The following DYNC2H1 variants were observed in gnomAD, a reference collection of about 807,000 sequenced individuals.
DYNC2H1 encodes dynein cytoplasmic 2 heavy chain 1, also known as cytoplasmic dynein 2 heavy chain 1.
DYNC2H1 carries 410 observed loss-of-function variants against 570.0 expected under a neutral mutation model. The ratio of observed to expected loss-of-function variants is 0.72; its 90% CI spans 0.66 to 0.78. The LOEUF is 0.78. Among genes scored for constraint, DYNC2H1 ranks in the 30% least tolerant of loss-of-function variants. The probability of loss-of-function intolerance (pLI) is 0.00; values close to 1 mark genes in which losing one functional copy is unlikely to be tolerated. For missense variants in DYNC2H1, 4,865 were observed against 5,046.4 expected (o/e 0.96, Z 1.09); for synonymous variants, 1,688 against 1,677.6 (o/e 1.01, Z -0.15).
chr11:103,303,529 G>A (rs1867139788), intron 76 of DYNC2H1, among the ~76,000 whole-genome samples: 1 of 152,128 alleles, frequency 6.6e-6, no homozygotes, highest in Non-Finnish European at 1.5e-5. Context: ...AGGCAGGTGA[G>A]TCGAGAGTGC....
chr11:103,290,602 C>T (rs886801988), intron 75 of DYNC2H1, among the ~76,000 whole-genome samples: 1 of 152,170 alleles, frequency 6.6e-6, no homozygotes, highest in Non-Finnish European at 1.5e-5. Flanking sequence ...TGGACTTAGA[C>T]AACATCATGA....
chr11:103,469,827 C>T (rs1434589948), intron 88 of DYNC2H1, among the ~76,000 whole-genome samples: 1 of 152,256 alleles, frequency 6.6e-6, no homozygotes, highest in African/African-American at 2.4e-5. Flanking sequence ...ATGAATGACA[C>T]ATTTTTGTCT....
At chr11:103,390,991 C>T (rs1942122127) in intron 83 of DYNC2H1, among the ~76,000 whole-genome samples, 3 of 152,072 alleles carry the variant, frequency 2.0e-5, no homozygotes, top group East Asian at 1.9e-4. Flanking sequence ...TTGCTCTTCT[C>T]GAGGAGTATC....
At position 103,135,568 on chromosome 11, in the gene DYNC2H1, A is replaced by C. The variant is rs1859492220; in HGVS notation, c.2279A>C (p.Gln760Pro). 1 of 1,613,090 alleles carries C rather than the reference A, an allele frequency of 6.2e-7. No individual in the cohort carries two copies. The highest frequency in any genetic ancestry group is 8.5e-7 in the Non-Finnish European group (1 of 1,179,532). The change falls in exon 16 of 89, where the codon CAG becomes CCG. Residue 760 changes from glutamine (Q) to proline (P), a missense_variant. Transcript: ENST00000375735. ...NHQLYKALEH[Q>P]YQMGLEALNE... ...CAACTGTACAAAGCTCTGGAGCATC[A>C]GTACCAGATGGGCTTAGAAGCACTT...
chr11:103,313,447 C>T (rs1867686348), intron 79 of DYNC2H1, among the ~76,000 whole-genome samples: 1 of 152,132 alleles, frequency 6.6e-6, no homozygotes, highest in Admixed American at 6.5e-5. Context: ...TTAAATTTTT[C>T]CCATCCTCTT....
At chr11:103,380,448 C>A (rs1006365115) in intron 83 of DYNC2H1, among the ~76,000 whole-genome samples, 1 of 151,992 alleles carries the variant, frequency 6.6e-6, no homozygotes, top group Non-Finnish European at 1.5e-5. Flanking sequence ...AATACACACA[C>A]AAAAAAAGAG....
chr11:103,450,699 A>T (rs1025041126), intron 85 of DYNC2H1, among the ~76,000 whole-genome samples: 14 of 152,230 alleles, frequency 9.2e-5, no homozygotes, highest in African/African-American at 3.4e-4. Flanking sequence ...TGATCGCTTA[A>T]ATTACTTATT....
intron 75 of DYNC2H1, among the ~76,000 whole-genome samples, chr11:103,297,143 T>A (rs1866865784): frequency 6.6e-6 from 1 of 152,160 alleles, no homozygotes; most frequent in African/African-American, 2.4e-5. Context: ...AATTCTAAGC[T>A]TGTATATTTA....
At chr11:103,141,597 G>A (rs1471081581) in intron 17 of DYNC2H1, among the ~76,000 whole-genome samples, 1 of 152,190 alleles carries the variant, frequency 6.6e-6, no homozygotes, top group Non-Finnish European at 1.5e-5. Flanking sequence ...GCCGTCTGAG[G>A]TGTCAGTCTG....
intron 18 of DYNC2H1, among the ~76,000 whole-genome samples, chr11:103,146,614 A>C (rs1244231571): frequency 2.0e-5 from 3 of 151,852 alleles, no homozygotes; most frequent in Non-Finnish European, 4.4e-5. Flanking sequence ...TTGTTTGTTT[A>C]TTTTTTGAGA....
At chr11:103,218,778 T>G (rs557219167) in intron 55 of DYNC2H1, among the ~76,000 whole-genome samples, 13 of 152,356 alleles carry the variant, frequency 8.5e-5, no homozygotes, top group African/African-American at 3.1e-4. Context: ...TAGCTAATTT[T>G]ATTATCCAGC....
At chr11:103,349,925 C>A (rs1790366945) in intron 82 of DYNC2H1, among the ~76,000 whole-genome samples, 1 of 152,048 alleles carries the variant, frequency 6.6e-6, no homozygotes, top group South Asian at 2.1e-4. Context: ...ATGAGAAATA[C>A]AAAGAAAAGT....
intron 70 of DYNC2H1, among the ~76,000 whole-genome samples, chr11:103,262,428 A>G (rs941304740): frequency 1.3e-5 from 2 of 152,200 alleles, no homozygotes; most frequent in Non-Finnish European, 2.9e-5. Flanking sequence ...AATGTAGGAA[A>G]AAATGTTAAG....
chr11:103,384,674 C>CAAG (rs1941802184), intron 83 of DYNC2H1, among the ~76,000 whole-genome samples: 1 of 152,048 alleles, frequency 6.6e-6, no homozygotes. Context: ...CCAGACAGTT[C>CAAG]AAGAAGCTTA....
intron 63 of DYNC2H1, among the ~76,000 whole-genome samples, chr11:103,242,381 A>AT (rs1864455478): frequency 6.6e-6 from 1 of 152,120 alleles, no homozygotes; most frequent in Admixed American, 6.5e-5. Context: ...AGAATATCTT[A>AT]TTATACTGTA....
chr11:103,471,652 T>C (rs1051228597), intron 88 of DYNC2H1, among the ~76,000 whole-genome samples: 1 of 152,248 alleles, frequency 6.6e-6, no homozygotes, highest in Non-Finnish European at 1.5e-5. Context: ...TCTTATTTCA[T>C]ATGGTACTTT....
In DYNC2H1 at chr11:103,184,845, C is replaced by T. The variant is rs955061460; in HGVS notation, c.6478-51C>T. The T allele has an allele frequency of 3.8e-6, 6 of 1,594,868 alleles. No individual in the cohort carries two copies. The African/African-American group carries it at 5.4e-5, about 14-fold the overall frequency. On this transcript the variant is annotated intron_variant, in intron 40 of 88. Transcript: ENST00000375735. ...ATCAGTCTGTATGGTTCTATGTTTA[C>T]TGGTTAATAGTTGCCTTTTGTCTGT...
At position 103,339,299 on chromosome 11, in the gene DYNC2H1, C is replaced by T. The variant is rs868291574; in HGVS notation, c.12039+15309C>T. ...CCTGAGGCCTTCCAGATCAGTGCAG[C>T]TTCCACCGGGGGTCACCCAAGGCCC... On this transcript the variant is annotated intron_variant, in intron 82 of 88. Transcript: ENST00000375735. Among the ~76,000 whole-genome samples, 3 of 152,138 alleles carry T rather than the reference C, an allele frequency of 2.0e-5. No homozygotes were observed. In the South Asian group the frequency reaches 6.2e-4, roughly 31 times the overall value.
At chr11:103,124,955 C>A (rs1019177183) in intron 11 of DYNC2H1, 145 bp from the exon 12 acceptor site, 30 of 549,544 alleles carry the variant, frequency 5.5e-5, no homozygotes, top group Admixed American at 2.4e-4. Context: ...TGGAAAAAAC[C>A]CACAACTTAA....
Sources: gnomAD v4.1 joint callset for allele counts (sites outside exome capture counted in the v4.1 genomes callset) on GRCh38, gnomAD v4.1.1 for gene constraint, MANE v1.5 for transcripts, NCBI Gene and HGNC (gene_info 2026-07-23, HGNC 2026-07-21) for gene names.